NOD1: variants seen among roughly 807,000 people sequenced by gnomAD.
NOD1 encodes nucleotide binding oligomerization domain containing 1, also known as nucleotide-binding oligomerization domain-containing protein 1.
A neutral mutation model predicts 81.2 loss-of-function variants in NOD1; 70 were observed. That is an observed-to-expected ratio of 0.86 (90% CI 0.71 to 1.05). NOD1 has a LOEUF of 1.05. Ranked by LOEUF, NOD1 falls within the 50% of genes least tolerant of loss-of-function variation. The pLI is 0.00. For synonymous variants in NOD1, 508 were observed against 526.9 expected (o/e 0.96, Z 0.49); for missense variants, 1,233 against 1,228.0 (o/e 1.00, Z -0.06).
chr7:30,445,453 A>C (rs932444737), intron 9 of NOD1, among the ~76,000 whole-genome samples: 1 of 152,136 alleles, frequency 6.6e-6, no homozygotes, highest in Non-Finnish European at 1.5e-5. Flanking sequence ...AGTATTACTC[A>C]GCCTTAAAAA....
At chr7:30,446,292 C>T in intron 8 of NOD1, 68 bp from the exon 9 acceptor site, 1 of 1,140,288 alleles carries the variant, frequency 8.8e-7, no homozygotes, top group Non-Finnish European at 1.3e-6. Context: ...CACCCTCCTC[C>T]CCAGCACAGA....
In NOD1 at chr7:30,467,237, G is replaced by A. The variant is rs1368487994; in HGVS notation, c.-351-7196C>T. ...TCTCTATAGGCATACGCCCGTGAAT[G>A]TAAATGCAAAGAAAACCACCTGTGA... On this transcript the variant is annotated intron_variant, in intron 1 of 13. Transcript: ENST00000222823. The surrounding 1 kb of genome is among the most constrained non-coding windows in gnomAD (Gnocchi z 4.5). 6.6e-6 allele frequency among the ~76,000 whole-genome samples: 1 copy of A among 152,176 alleles called. No homozygotes were observed. The highest frequency in any genetic ancestry group is 1.5e-5 in the Non-Finnish European group (1 of 68,028).
At chr7:30,469,560 T>A (rs1309240591) in intron 1 of NOD1, among the ~76,000 whole-genome samples, 1 of 152,198 alleles carries the variant, frequency 6.6e-6, no homozygotes, top group African/African-American at 2.4e-5. Context: ...GTGGAACGCA[T>A]ACATCCTTTC....
intron 1 of NOD1, among the ~76,000 whole-genome samples, chr7:30,464,393 T>G (rs866562044): frequency 6.6e-6 from 1 of 152,198 alleles, no homozygotes; most frequent in East Asian, 1.9e-4. Context: ...CAGCTGTTCA[T>G]TCCTTCTACA....
rs757043514 is a variant in NOD1 at position 30,437,668 on chromosome 7, G to A, written c.2454-12C>T. 3.3e-6 allele frequency: 5 copies of A among 1,505,812 alleles called. No individual in the cohort carries two copies. Among genetic ancestry groups the A allele is most frequent in the East Asian group, 5.5e-5 (2 of 36,274 alleles). The allele number at this position is 1,505,812 out of a possible 1,614,324, so 93.3% of individuals were successfully genotyped here. A position where few individuals can be genotyped will look rare whatever the true frequency, so the allele number is the denominator to read the frequency against. ...GATTGCCCCACATCCTGAGGGAGGA[G>A]ACAAGATAGTGAATGTTAGCTCCCC... On this transcript the variant is annotated splice_polypyrimidine_tract_variant and intron_variant, in intron 9 of 13. Coordinates refer to ENST00000222823, the MANE Select transcript of NOD1 (RefSeq NM_006092.4).
In NOD1 at chr7:30,452,452, A is replaced by C. The variant is rs545428014; in HGVS notation, c.965T>G (p.Leu322Arg). ...VLLANLLSGKLLKGASKLLTA... is the reference protein window; with the variant it reads ...VLLANLLSGKRLKGASKLLTA... ...GAGCAGCTTGCTAGCCCCCTTGAGCAGCTTCCCACTGAGCAGGTTGGCCAG... is the reference window on the plus strand; with the variant it reads ...GAGCAGCTTGCTAGCCCCCTTGAGCCGCTTCCCACTGAGCAGGTTGGCCAG... Residue 322 changes from leucine (L) to arginine (R), a missense_variant, in exon 6 of 14, where the codon CTG becomes CGG. Physicochemically the swap from Leu to Arg is moderately radical, Grantham distance 102. Coordinates refer to ENST00000222823, the MANE Select transcript of NOD1 (RefSeq NM_006092.4). 1 of 1,613,340 alleles carries C rather than the reference A, an allele frequency of 6.2e-7. No homozygotes were observed. Among genetic ancestry groups the C allele is most frequent in the Admixed American group, 1.7e-5 (1 of 60,002 alleles).
chr7:30,433,826 C>T (rs1023835253), intron 11 of NOD1, among the ~76,000 whole-genome samples: 1 of 152,086 alleles, frequency 6.6e-6, no homozygotes, highest in Non-Finnish European at 1.5e-5. Context: ...AAAAAAATTC[C>T]TTGAAGGGCA....
chr7:30,429,878 G>A (rs1236138417), intron 12 of NOD1, among the ~76,000 whole-genome samples: 2 of 152,162 alleles, frequency 1.3e-5, no homozygotes, highest in South Asian at 2.1e-4. Flanking sequence ...AAAATTAGCT[G>A]GGCATGGTGG....
At chr7:30,464,292 C>G (rs1251064576) in intron 1 of NOD1, among the ~76,000 whole-genome samples, 1 of 152,214 alleles carries the variant, frequency 6.6e-6, no homozygotes, top group African/African-American at 2.4e-5. Flanking sequence ...CTGCGAGGCA[C>G]ATGACAGTGC....
In NOD1 at chr7:30,451,266, G is replaced by A. The variant is rs1418758971; in HGVS notation, c.2151C>T (p.Asp717=). The change falls in exon 6 of 14, where the codon GAC becomes GAT. Residue 717 remains aspartate, a synonymous_variant. Transcript: ENST00000222823. The surrounding 1 kb of genome is among the most constrained non-coding windows in gnomAD (Gnocchi z 4.2). ...ALDLDNNNLN[D]YGVRELQPCF... ...AGGGCTGCAGCTCCCGCACGCCGTA[G>A]TCGTTGAGATTGTTGTTGTCTAGGT... The A allele has an allele frequency of 1.9e-6, 3 of 1,613,990 alleles. No homozygotes were observed. In the Admixed American group the frequency reaches 5.0e-5, roughly 27 times the overall value.
At chr7:30,475,240 A>G (rs933540946) in intron 1 of NOD1, among the ~76,000 whole-genome samples, 1 of 152,190 alleles carries the variant, frequency 6.6e-6, no homozygotes, top group Non-Finnish European at 1.5e-5. Context: ...CTACCAAATG[A>G]CTACATTCTC....
intron 6 of NOD1, among the ~76,000 whole-genome samples, chr7:30,449,430 A>G (rs1490588507): frequency 6.6e-6 from 1 of 152,202 alleles, no homozygotes; most frequent in African/African-American, 2.4e-5. Flanking sequence ...CTAAGCAGCA[A>G]TATAATTAGT....
intron 11 of NOD1, among the ~76,000 whole-genome samples, chr7:30,435,488 G>C (rs1012024387): frequency 6.6e-6 from 1 of 152,156 alleles, no homozygotes; most frequent in Non-Finnish European, 1.5e-5. Flanking sequence ...GGCTCCCGGA[G>C]CCCACTTCCT....
rs773970388 is a variant in NOD1 at position 30,451,772 on chromosome 7, G to A, written c.1645C>T (p.Pro549Ser). The A allele has an allele frequency of 5.0e-6, 8 of 1,613,658 alleles. No individual in the cohort carries two copies. Among genetic ancestry groups the A allele is most frequent in the South Asian group, 1.1e-5 (1 of 91,078 alleles). The change falls in exon 6 of 14, where the codon CCC becomes TCC. Residue 549 changes from proline (P) to serine (S), a missense_variant. Pro to Ser is a moderately conservative substitution (Grantham distance 74, BLOSUM62 -1). Coordinates refer to ENST00000222823, the MANE Select transcript of NOD1 (RefSeq NM_006092.4). This position sits in a 1 kb window ranked among gnomAD's most constrained non-coding sequence, Gnocchi z 4.2. ...GACGTGGTCGCTGCCCCCGCAGGGGGCATCCACTCCTGGAAGAACCTGAGC... is the reference window on the plus strand; with the variant it reads ...GACGTGGTCGCTGCCCCCGCAGGGGACATCCACTCCTGGAAGAACCTGAGC... The part of the protein sequence containing the change: ...ELLRFFQEWM[P>S]PAGAATTSCY...
chr7:30,463,519 C>G (rs958502577), intron 1 of NOD1: 1 of 152,450 alleles, frequency 6.6e-6, no homozygotes, highest in Admixed American at 6.6e-5. Context: ...AATGATTGAC[C>G]TAGAAAGGAG....
intron 9 of NOD1, among the ~76,000 whole-genome samples, chr7:30,438,302 A>C (rs983122765): frequency 6.6e-5 from 10 of 152,186 alleles, no homozygotes; most frequent in Admixed American, 6.5e-4. Flanking sequence ...GCGTGGTAAG[A>C]TGGTGGACTC....
At chr7:30,474,300 A>G (rs559471046) in intron 1 of NOD1, among the ~76,000 whole-genome samples, 46 of 152,384 alleles carry the variant, frequency 3.0e-4, no homozygotes, top group Admixed American at 8.5e-4. Context: ...CTCATCAAAT[A>G]CTGAAAACTG....
intron 1 of NOD1, among the ~76,000 whole-genome samples, chr7:30,462,631 CTGAG>C (rs1389469542): frequency 1.3e-5 from 2 of 152,108 alleles, no homozygotes; most frequent in Admixed American, 6.5e-5. Context: ...AGATACTACA[CTGAG>C]TGAGAGAAGC....
chr7:30,449,760 G>C (rs988010185), intron 6 of NOD1, among the ~76,000 whole-genome samples: 4 of 152,354 alleles, frequency 2.6e-5, no homozygotes, highest in African/African-American at 9.6e-5. Flanking sequence ...CCAGAGAACT[G>C]AGTGTGCTTC....
Sources: allele counts gnomAD v4.1 joint callset (sites outside exome capture counted in the v4.1 genomes callset), GRCh38; gene constraint gnomAD v4.1.1; non-coding constraint Gnocchi (gnomAD v3.1); transcripts MANE v1.5; gene names NCBI Gene and HGNC (gene_info 2026-07-23, HGNC 2026-07-21).